Variants in SEC24A observed in about 807,000 individuals in gnomAD.
SEC24A encodes protein transport protein Sec24A.
In SEC24A, 93 loss-of-function variants were observed where a neutral mutation model predicts 129.4. That is an observed-to-expected ratio of 0.72 (90% CI 0.61 to 0.85). The LOEUF (loss-of-function observed/expected upper bound fraction) is 0.85, where lower values mean the gene tolerates loss of function less well. Ranked by LOEUF, SEC24A falls within the 40% of genes least tolerant of loss-of-function variation. The pLI, the probability that SEC24A is intolerant of heterozygous loss-of-function variation, is 0.00. For synonymous variants in SEC24A, 460 were observed against 467.3 expected (o/e 0.98, Z 0.20); for missense variants, 1,264 against 1,307.4 (o/e 0.97, Z 0.51).
chr5:134,659,226 C>T (rs946967951), intron 1 of SEC24A, among the ~76,000 whole-genome samples: 7 of 151,910 alleles, frequency 4.6e-5, no homozygotes, highest in African/African-American at 1.7e-4. Context: ...CACCCGCCAC[C>T]ACGCTCCACT....
chr5:134,667,669 CA>C (rs1191699758), intron 3 of SEC24A, among the ~76,000 whole-genome samples: 55 of 115,024 alleles, frequency 4.8e-4, no homozygotes, highest in East Asian at 3.4e-3. Context: ...AAAAAAAAAA[CA>C]AAAAAAAAAA....
intron 19 of SEC24A, among the ~76,000 whole-genome samples, chr5:134,717,532 G>A (rs953710304): frequency 6.6e-6 from 1 of 151,922 alleles, no homozygotes; most frequent in Non-Finnish European, 1.5e-5. Flanking sequence ...AAAGAAAAAG[G>A]AAACAAGATC....
intron 9 of SEC24A, among the ~76,000 whole-genome samples, chr5:134,686,559 C>T (rs957949354): frequency 2.0e-5 from 3 of 152,280 alleles, no homozygotes; most frequent in African/African-American, 7.2e-5. Context: ...GATTACATCT[C>T]TTCCCCTTCC....
At chr5:134,723,101 T>C (rs2150115542) in intron 21 of SEC24A, among the ~76,000 whole-genome samples, 1 of 152,240 alleles carries the variant, frequency 6.6e-6, no homozygotes, top group East Asian at 1.9e-4. Context: ...GAGGTTACAG[T>C]GAGCCATGAT....
At position 134,703,942 on chromosome 5, in the gene SEC24A, TTG is replaced by T. The variant is rs759562161; in HGVS notation, c.2440+12_2440+13del. ...TATACATCCAGCAAAGGTAAATTGT[TTG>T]TTTTTTTTTGGATTTCAAATGTTCA... On this transcript the variant is annotated intron_variant, in intron 16 of 22. Coordinates refer to ENST00000398844, the MANE Select transcript of SEC24A (RefSeq NM_021982.3). The T allele has an allele frequency of 3.1e-4, 474 of 1,535,060 alleles. No individual in the cohort carries two copies. The highest frequency in any genetic ancestry group is 3.8e-4 in the Non-Finnish European group (436 of 1,133,476).
In SEC24A at chr5:134,725,791, G is replaced by A. The variant is rs906236140; in HGVS notation, c.*697G>A. ...TGGTTTTCTGATTTCCTGATGAAGA[G>A]TTGGACATACTGTCTTAATCTATAG... On this transcript the variant is annotated 3_prime_UTR_variant, in exon 23 of 23. Transcript: ENST00000398844. The A allele has an allele frequency of 6.6e-6, 1 of 152,534 alleles. No individual in the cohort carries two copies. Among genetic ancestry groups the A allele is most frequent in the African/African-American group, 2.4e-5 (1 of 41,442 alleles). The allele number at this position is 152,534 out of a possible 1,614,324, so 9.4% of individuals were successfully genotyped here.
chr5:134,688,084 T>C (rs1245597386), intron 10 of SEC24A, 97 bp from the exon 11 acceptor site: 9 of 777,584 alleles, frequency 1.2e-5, no homozygotes, highest in South Asian at 6.0e-5. Flanking sequence ...TTCTATAATA[T>C]TGAATTAGAT....
At position 134,708,835 on chromosome 5, in the gene SEC24A, G is replaced by T. The variant is rs570559325; in HGVS notation, c.2674G>T (p.Val892Phe). Residue 892 changes from valine to phenylalanine, a missense_variant, in exon 18 of 23, where the codon GTT becomes TTT. Val to Phe is a conservative substitution (Grantham distance 50, BLOSUM62 -1). Transcript: ENST00000398844. The part of the protein sequence containing the change: ...VLSNQQPGLM[V>F]PFSLRLFPLF... ...AAGTAACCAGCAGCCTGGACTCATG[G>T]TTCCTTTTTCTTTGCGGCTTTTCCC... 1.2e-4 allele frequency: 195 copies of T among 1,614,044 alleles called. 2 individuals are homozygous for T. The South Asian group carries it at 2.1e-3, about 17-fold the overall frequency.
intron 4 of SEC24A, among the ~76,000 whole-genome samples, chr5:134,672,876 T>C (rs1465908864): frequency 6.6e-6 from 1 of 151,722 alleles, no homozygotes; most frequent in Admixed American, 6.6e-5. Flanking sequence ...GCAGGGACTA[T>C]AGGCATATGG....
intron 19 of SEC24A, among the ~76,000 whole-genome samples, chr5:134,715,879 G>C (rs975009572): frequency 6.6e-6 from 1 of 150,930 alleles, no homozygotes; most frequent in East Asian, 1.9e-4. Flanking sequence ...AGTTCTGGGT[G>C]TATTTTTAAA....
At chr5:134,679,545 G>A in intron 7 of SEC24A, 57 bp from the exon 8 acceptor site, 4 of 1,305,578 alleles carry the variant, frequency 3.1e-6, no homozygotes, top group Non-Finnish European at 4.3e-6. Context: ...TCATGCTTAT[G>A]TTTTCAACAT....
intron 18 of SEC24A, among the ~76,000 whole-genome samples, chr5:134,712,658 G>A (rs543908812): frequency 6.6e-6 from 1 of 151,062 alleles, no homozygotes; most frequent in Admixed American, 6.6e-5. Flanking sequence ...GGCTCTTGTT[G>A]CCCAGGCTGG....
At chr5:134,705,876 C>T (rs1204638155) in intron 17 of SEC24A, among the ~76,000 whole-genome samples, 1 of 150,960 alleles carries the variant, frequency 6.6e-6, no homozygotes, top group Non-Finnish European at 1.5e-5. Flanking sequence ...CTACACTGAA[C>T]TTAGCTATAT....
intron 13 of SEC24A, among the ~76,000 whole-genome samples, chr5:134,695,617 T>C (rs753397192): frequency 1.2e-4 from 18 of 151,868 alleles, no homozygotes; most frequent in Non-Finnish European, 1.9e-4. Flanking sequence ...AAACCCTGTC[T>C]CTACTAAAAA....
intron 14 of SEC24A, among the ~76,000 whole-genome samples, chr5:134,697,546 C>A (rs1162738344): frequency 2.0e-5 from 3 of 152,078 alleles, no homozygotes; most frequent in Non-Finnish European, 4.4e-5. Flanking sequence ...TGAGACCAAC[C>A]TGGGCAACAT....
At chr5:134,655,764 C>T (rs1750223671) in intron 1 of SEC24A, among the ~76,000 whole-genome samples, 2 of 152,074 alleles carry the variant, frequency 1.3e-5, no homozygotes, top group African/African-American at 4.8e-5. Flanking sequence ...GCATTTGATA[C>T]CTTTGGCTGT....
At chr5:134,668,491 C>T (rs972058516) in intron 3 of SEC24A, among the ~76,000 whole-genome samples, 4 of 152,000 alleles carry the variant, frequency 2.6e-5, no homozygotes, top group African/African-American at 9.7e-5. Context: ...TTTGGGAGGC[C>T]GAGGTGGGCG....
Position 134,666,911 on chromosome 5 carries a change from AC to A in SEC24A, c.659del (p.Pro220GlnfsTer2). ...ATGGGCCCCCTCCAGCTGGAGGCCC[AC>A]CCCCAGTGAGGGCCCTCACGCCCCT... ...PHGPPPAGGP[P>X]PVRALTPLTS... is the part of the protein sequence containing the mutation. On this transcript the variant is annotated frameshift_variant, in exon 3 of 23. Coordinates refer to ENST00000398844, the MANE Select transcript of SEC24A (RefSeq NM_021982.3). LOFTEE classifies it high-confidence loss of function. The A allele has an allele frequency of 6.2e-7, 1 of 1,607,284 alleles. No individual in the cohort carries two copies. The highest frequency in any genetic ancestry group is 8.5e-7 in the Non-Finnish European group (1 of 1,174,044).
In SEC24A at chr5:134,649,094, A is replaced by G; in HGVS notation, c.18A>G (p.Ile6Met). 1 of 1,608,992 alleles carries G rather than the reference A, an allele frequency of 6.2e-7. No homozygotes were observed. The change falls in exon 1 of 23, where the codon ATA (isoleucine) becomes ATG (methionine). Residue 6 changes from isoleucine (I) to methionine (M), a missense_variant. Ile to Met is a conservative substitution (Grantham distance 10). Coordinates refer to ENST00000398844, the MANE Select transcript of SEC24A (RefSeq NM_021982.3). MSQPG[I>M]PASGGAPASL... ...CAGTCATCATGTCCCAGCCGGGAAT[A>G]CCGGCCTCCGGCGGCGCCCCAGCCA...
Sources: allele counts gnomAD v4.1 joint callset (sites outside exome capture counted in the v4.1 genomes callset), GRCh38; gene constraint gnomAD v4.1.1; transcripts MANE v1.5; gene names NCBI Gene and HGNC (gene_info 2026-07-23, HGNC 2026-07-21).